The following NPAS3 variants were observed in gnomAD, a reference collection of about 807,000 sequenced individuals.
The protein encoded by NPAS3 is neuronal PAS domain protein 3.
Under a neutral mutation model 73.1 loss-of-function variants are expected in NPAS3, and 14 were observed. That is an observed-to-expected ratio of 0.19 (90% CI 0.13 to 0.30). The LOEUF is 0.30. Among genes scored for constraint, NPAS3 ranks in the 10% least tolerant of loss-of-function variants. NPAS3 has a pLI of 1.00. For synonymous variants in NPAS3, 620 were observed against 541.5 expected (o/e 1.14, Z -2.01); for missense variants, 1,096 against 1,250.0 (o/e 0.88, Z 1.86).
intron 2 of NPAS3, among the ~76,000 whole-genome samples, chr14:33,213,407 T>C (rs1474213289): frequency 6.6e-6 from 1 of 152,224 alleles, no homozygotes; most frequent in Non-Finnish European, 1.5e-5. Flanking sequence ...TTAAATGTTG[T>C]TAGATAAGTT....
At position 33,507,109 on chromosome 14, in the gene NPAS3, T is replaced by G. The variant is rs2052802949; in HGVS notation, c.469-53012T>G. Among the ~76,000 whole-genome samples, 3 of 152,010 alleles carry G rather than the reference T, an allele frequency of 2.0e-5. No individual in the cohort carries two copies. In the South Asian group the frequency reaches 6.2e-4, roughly 31 times the overall value. On this transcript the variant is annotated intron_variant, in intron 4 of 11. Coordinates refer to ENST00000356141, the Ensembl canonical transcript of NPAS3. The stretch of plus-strand genomic sequence containing the variant: ...TGTTGTGGGTGATGGACTATGATGT[T>G]CATTTTGTAGAATGTAATGAGCATG...
rs1052234839 is a variant in NPAS3, at chr14:33,038,369, T to G, written c.51-17536T>G. Among the ~76,000 whole-genome samples, 115 of 152,238 alleles carry G rather than the reference T, an allele frequency of 7.6e-4. 1 individual carries two copies. Among genetic ancestry groups the G allele is most frequent in the African/African-American group, 2.5e-3 (104 of 41,560 alleles). On this transcript the variant is annotated intron_variant, in intron 1 of 11. Transcript: ENST00000356141. ...AAATAATGATTAGGTGGAGAAATAA[T>G]TTTAAGAGAATGTTCCTGTGCTATT...
At chr14:33,234,757 TAG>T in intron 3 of NPAS3, among the ~76,000 whole-genome samples, 1 of 152,126 alleles carries the variant, frequency 6.6e-6, no homozygotes, top group Admixed American at 6.6e-5. Context: ...ACTATGGGTC[TAG>T]AACACTATAC....
rs10141940 is a variant in NPAS3, at chr14:33,800,515, C to A, written c.2208C>A (p.Thr736=). The A allele has an allele frequency of 1.4e-6, 2 of 1,413,060 alleles. No individual in the cohort carries two copies. Among genetic ancestry groups the A allele is most frequent in the East Asian group, 3.1e-5 (1 of 32,324 alleles). 87.5% of individuals were successfully genotyped at this position (1,413,060 alleles called of 1,614,324 possible). A position where few individuals can be genotyped will look rare whatever the true frequency, so the allele number is the denominator to read the frequency against. Residue 736 remains threonine (T), a synonymous_variant, in exon 12 of 12, where the codon ACC becomes ACA. Coordinates refer to ENST00000356141, the Ensembl canonical transcript of NPAS3. The surrounding 1 kb of genome is among the most constrained non-coding windows in gnomAD (Gnocchi z 6.5). ...AGACTCAGTTCGGCGCCTCGGCCAC[C>A]GCGGCCCTGGCCCCCGTCGCCTCCG...
intron 2 of NPAS3, among the ~76,000 whole-genome samples, chr14:33,138,386 A>G (rs2043919506): frequency 1.3e-5 from 2 of 152,154 alleles, no homozygotes; most frequent in African/African-American, 4.8e-5. Context: ...TCATACAGTA[A>G]TTATTACTTG....
intron 4 of NPAS3, among the ~76,000 whole-genome samples, chr14:33,496,120 C>T (rs1424218331): frequency 1.3e-5 from 2 of 152,062 alleles, no homozygotes; most frequent in Non-Finnish European, 2.9e-5. Flanking sequence ...GATTCCTGGA[C>T]ACATACACCC....
chr14:33,025,989 A>G (rs1214620306), intron 1 of NPAS3, among the ~76,000 whole-genome samples: 1 of 152,198 alleles, frequency 6.6e-6, no homozygotes, highest in South Asian at 2.1e-4. Flanking sequence ...AGATATTTGT[A>G]ATTTGATTAT....
chr14:33,688,050 C>T (rs1481918773), intron 6 of NPAS3, among the ~76,000 whole-genome samples: 1 of 152,214 alleles, frequency 6.6e-6, no homozygotes, highest in Non-Finnish European at 1.5e-5. Flanking sequence ...TATATTCCTC[C>T]TCATAACTGC....
At position 33,642,781 on chromosome 14, in the gene NPAS3, C is replaced by T. The variant is rs1181314272; in HGVS notation, c.559-33430C>T. The stretch of plus-strand genomic sequence containing the variant: ...TGTTTGTGGTGTCAGAGAAGCCTGG[C>T]TGAACCTCTCTTCCGGTGGTTTTGG... On this transcript the variant is annotated intron_variant, in intron 5 of 11. Coordinates refer to ENST00000356141, the Ensembl canonical transcript of NPAS3. Among the ~76,000 whole-genome samples, 3 of 152,164 alleles carry T rather than the reference C, an allele frequency of 2.0e-5. No homozygotes were observed. The East Asian group carries it at 5.8e-4, about 29-fold the overall frequency.
At chr14:33,665,223 C>T (rs565956575) in intron 5 of NPAS3, among the ~76,000 whole-genome samples, 66 of 152,094 alleles carry the variant, frequency 4.3e-4, no homozygotes, top group African/African-American at 1.5e-3. Flanking sequence ...CATGTTCTCA[C>T]TCATAAGTGG....
intron 2 of NPAS3, among the ~76,000 whole-genome samples, chr14:33,116,002 T>G (rs2043053226): frequency 6.6e-6 from 1 of 152,142 alleles, no homozygotes; most frequent in Non-Finnish European, 1.5e-5. Context: ...TGTTTCTGTA[T>G]CCATTATTTG....
chr14:33,196,791 C>CT (rs2046371911), intron 2 of NPAS3, among the ~76,000 whole-genome samples: 1 of 152,174 alleles, frequency 6.6e-6, no homozygotes, highest in Non-Finnish European at 1.5e-5. Flanking sequence ...TAAATGAATG[C>CT]TTATAGAAGT....
At chr14:33,320,522 G>A (rs140705207) in intron 3 of NPAS3, among the ~76,000 whole-genome samples, 15 of 152,264 alleles carry the variant, frequency 9.9e-5, no homozygotes, top group African/African-American at 3.1e-4. Flanking sequence ...AACAGTCATT[G>A]CTCTTGTTCA....
intron 2 of NPAS3, among the ~76,000 whole-genome samples, chr14:33,127,850 T>A (rs978210312): frequency 6.6e-6 from 1 of 152,108 alleles, no homozygotes; most frequent in Non-Finnish European, 1.5e-5. Flanking sequence ...TTTCCTCCCT[T>A]CATGATAGAT....
At chr14:33,083,353 T>C (rs1312804271) in intron 2 of NPAS3, among the ~76,000 whole-genome samples, 1 of 152,078 alleles carries the variant, frequency 6.6e-6, no homozygotes, top group African/African-American at 2.4e-5. Flanking sequence ...AACTGGACCT[T>C]ATTATGAGTA....
At chr14:33,083,763 C>T (rs553237163) in intron 2 of NPAS3, among the ~76,000 whole-genome samples, 2 of 152,092 alleles carry the variant, frequency 1.3e-5, no homozygotes, top group Admixed American at 6.5e-5. Context: ...ACAGAATCCC[C>T]GTGGGATCCC....
At chr14:33,159,438 C>A (rs2044768353) in intron 2 of NPAS3, among the ~76,000 whole-genome samples, 1 of 151,924 alleles carries the variant, frequency 6.6e-6, no homozygotes, top group African/African-American at 2.4e-5. Flanking sequence ...ATCTTGTCAA[C>A]TTCAGATTTC....
At chr14:33,002,008 G>T (rs1023771468) in intron 1 of NPAS3, among the ~76,000 whole-genome samples, 2 of 152,184 alleles carry the variant, frequency 1.3e-5, no homozygotes, top group African/African-American at 4.8e-5. Flanking sequence ...TGACCCTGGA[G>T]AATGTATTAT....
At chr14:33,340,615 G>A (rs1175348867) in intron 3 of NPAS3, among the ~76,000 whole-genome samples, 3 of 152,172 alleles carry the variant, frequency 2.0e-5, no homozygotes, top group Admixed American at 6.5e-5. Flanking sequence ...AAACATGAAA[G>A]TACCCAAATA....
Sources: allele counts gnomAD v4.1 joint callset (sites outside exome capture counted in the v4.1 genomes callset), GRCh38; gene constraint gnomAD v4.1.1; non-coding constraint Gnocchi (gnomAD v3.1); transcripts MANE v1.5; gene names NCBI Gene and HGNC (gene_info 2026-07-23, HGNC 2026-07-21).